The following SLC9A9 variants were observed in gnomAD, a reference collection of about 807,000 sequenced individuals.
The protein encoded by SLC9A9 is solute carrier family 9 member A9, also known as sodium/hydrogen exchanger 9.
SLC9A9 carries 62 observed loss-of-function variants against 77.8 expected under a neutral mutation model. That is an observed-to-expected ratio of 0.80 (90% CI 0.65 to 0.98). The LOEUF is 0.98. Ranked by LOEUF, SLC9A9 falls within the 50% of genes least tolerant of loss-of-function variation. SLC9A9 has a pLI of 0.00. For synonymous variants in SLC9A9, 320 were observed against 283.5 expected (o/e 1.13, Z -1.29); for missense variants, 775 against 774.9 (o/e 1.00, Z 0.00).
chr3:143,300,561 G>T (rs947133087), intron 14 of SLC9A9, among the ~76,000 whole-genome samples: 3 of 152,234 alleles, frequency 2.0e-5, no homozygotes, highest in Admixed American at 2.0e-4. Context: ...CTGGGGTGGG[G>T]CCTGAGATTC....
At position 143,615,033 on chromosome 3, in the gene SLC9A9, C is replaced by CAGGG. The variant is rs1327644456; in HGVS notation, c.756-36314_756-36311dup. 1.4e-4 allele frequency among the ~76,000 whole-genome samples: 21 copies of CAGGG among 152,268 alleles called. No homozygotes were observed. In the Middle Eastern group the frequency reaches 0.021, roughly 149 times the overall value. On this transcript the variant is annotated intron_variant, in intron 6 of 15. Coordinates refer to ENST00000316549, the MANE Select transcript of SLC9A9 (RefSeq NM_173653.4). ...GGACAGGGAGACAGCATGGCTTCTC[C>CAGGG]AGGGGTGTGCTACCCACAGTGATGC...
chr3:143,350,786 T>G (rs1023583491), intron 14 of SLC9A9, among the ~76,000 whole-genome samples: 2 of 152,230 alleles, frequency 1.3e-5, no homozygotes, highest in Non-Finnish European at 2.9e-5. Flanking sequence ...GAGGGATGAC[T>G]AGCAGCCAGA....
intron 2 of SLC9A9, among the ~76,000 whole-genome samples, chr3:143,826,650 T>A (rs904040235): frequency 1.3e-5 from 2 of 152,172 alleles, no homozygotes; most frequent in African/African-American, 4.8e-5. Context: ...CTGCCTTCAT[T>A]TTCAGCTCTA....
rs997617571 is a variant in SLC9A9, at chr3:143,709,414, G to C, written c.534-16107C>G. Among the ~76,000 whole-genome samples the C allele has an allele frequency of 2.0e-5, 3 of 152,084 alleles. No homozygotes were observed. The South Asian group carries it at 6.2e-4, about 32-fold the overall frequency. On this transcript the variant is annotated intron_variant, in intron 4 of 15. Transcript: ENST00000316549. ...AGCACCTGGGGATCAGGAGGTCTGG[G>C]GTGGGGCCTGGGATTCTCCATTTCT...
At chr3:143,726,331 C>T (rs1170097329) in intron 4 of SLC9A9, among the ~76,000 whole-genome samples, 2 of 151,336 alleles carry the variant, frequency 1.3e-5, no homozygotes, top group Non-Finnish European at 1.5e-5. Context: ...AAATGGGCTC[C>T]AAGGAGATTC....
At chr3:143,548,981 T>A (rs754891114) in intron 9 of SLC9A9, among the ~76,000 whole-genome samples, 1 of 152,224 alleles carries the variant, frequency 6.6e-6, no homozygotes, top group Non-Finnish European at 1.5e-5. Flanking sequence ...ATTGGCTTCC[T>A]ACACTCTCAT....
At chr3:143,302,784 G>A (rs939978663) in intron 14 of SLC9A9, among the ~76,000 whole-genome samples, 1 of 152,220 alleles carries the variant, frequency 6.6e-6, no homozygotes. Flanking sequence ...AGGCAGAACT[G>A]GAGGATAAAG....
intron 6 of SLC9A9, among the ~76,000 whole-genome samples, chr3:143,590,718 C>T (rs2037631473): frequency 6.6e-6 from 1 of 152,116 alleles, no homozygotes; most frequent in Non-Finnish European, 1.5e-5. Flanking sequence ...GTGGCTACAC[C>T]TGAAGGAAAA....
chr3:143,571,995 T>C (rs1426791782), intron 8 of SLC9A9, among the ~76,000 whole-genome samples: 3 of 152,230 alleles, frequency 2.0e-5, no homozygotes, highest in African/African-American at 7.2e-5. Flanking sequence ...CTAAATCTAG[T>C]GTACTACTCG....
chr3:143,614,466 G>T (rs1157561483), intron 6 of SLC9A9, among the ~76,000 whole-genome samples: 1 of 152,156 alleles, frequency 6.6e-6, no homozygotes, highest in Non-Finnish European at 1.5e-5. Context: ...AAAATAGGCT[G>T]TACAGAGCTC....
chr3:143,526,095 A>G (rs1200800023), intron 9 of SLC9A9, among the ~76,000 whole-genome samples: 1 of 152,240 alleles, frequency 6.6e-6, no homozygotes. Context: ...ATATAACTAA[A>G]TCAAAGCCAT....
chr3:143,754,048 A>C (rs2006841727), intron 4 of SLC9A9, among the ~76,000 whole-genome samples: 1 of 152,170 alleles, frequency 6.6e-6, no homozygotes, highest in Non-Finnish European at 1.5e-5. Flanking sequence ...CTTGAGGCCC[A>C]GCCATCTCTA....
chr3:143,683,627 C>T (rs924908202), intron 5 of SLC9A9, among the ~76,000 whole-genome samples: 4 of 152,026 alleles, frequency 2.6e-5, no homozygotes, highest in African/African-American at 7.2e-5. Context: ...AGTGCCGTCA[C>T]GACATGTAAG....
intron 1 of SLC9A9, among the ~76,000 whole-genome samples, chr3:143,833,237 G>A (rs1032936146): frequency 1.3e-5 from 2 of 152,156 alleles, no homozygotes; most frequent in South Asian, 2.1e-4. Context: ...CCTCTCTTAT[G>A]AATCTGGTCA....
intron 14 of SLC9A9, among the ~76,000 whole-genome samples, chr3:143,274,080 A>G (rs910692477): frequency 1.3e-5 from 2 of 152,184 alleles, no homozygotes; most frequent in Admixed American, 6.5e-5. Context: ...TGAATACTCA[A>G]TGTTATACTT....
At chr3:143,656,729 T>G (rs1210913353) in intron 5 of SLC9A9, among the ~76,000 whole-genome samples, 3 of 152,214 alleles carry the variant, frequency 2.0e-5, no homozygotes, top group Non-Finnish European at 4.4e-5. Flanking sequence ...ATGCTGGCTC[T>G]CCCTTGGAGA....
chr3:143,807,082 CAGG>C (rs1559807301), intron 2 of SLC9A9, among the ~76,000 whole-genome samples: 1 of 152,098 alleles, frequency 6.6e-6, no homozygotes, highest in Non-Finnish European at 1.5e-5. Context: ...GTGACCGAAA[CAGG>C]AGATGAGTGG....
intron 14 of SLC9A9, among the ~76,000 whole-genome samples, chr3:143,308,211 A>C (rs2108434712): frequency 6.6e-6 from 1 of 152,330 alleles, no homozygotes; most frequent in African/African-American, 2.4e-5. Context: ...CGTATATAAA[A>C]TGGAGATGAG....
At chr3:143,811,697 CA>C (rs1260042708) in intron 2 of SLC9A9, 2 of 453,658 alleles carry the variant, frequency 4.4e-6, no homozygotes, top group South Asian at 1.6e-5. Context: ...AAAACAAAAA[CA>C]AAAAAACAAA....
Sources: allele counts gnomAD v4.1 joint callset (sites outside exome capture counted in the v4.1 genomes callset), GRCh38; gene constraint gnomAD v4.1.1; transcripts MANE v1.5; gene names NCBI Gene and HGNC (gene_info 2026-07-23, HGNC 2026-07-21).